Variants in CEACAM5 observed in about 807,000 individuals in gnomAD.
CEACAM5 encodes the protein CEA cell adhesion molecule 5.
Under a neutral mutation model 63.0 loss-of-function variants are expected in CEACAM5, and 52 were observed. The observed-to-expected ratio is 0.83, with a 90% confidence interval of 0.66 to 1.04. The LOEUF (loss-of-function observed/expected upper bound fraction) is 1.04. Ranked by LOEUF, CEACAM5 falls within the 50% of genes least tolerant of loss-of-function variation. The pLI is 0.00. For missense variants in CEACAM5, 790 were observed against 864.8 expected, an observed-to-expected ratio of 0.91 and a Z score of 1.08; for synonymous variants, 357 against 351.3, an observed-to-expected ratio of 1.02 and a Z score of -0.18.
chr19:41,709,621 A>G, intron 1 of CEACAM5, 59 bp from the exon 2 acceptor site: 2 of 1,563,070 alleles, frequency 1.3e-6, no homozygotes, highest in Non-Finnish European at 1.7e-6. Flanking sequence ...CCAGGACCCC[A>G]TTTTTCCACC....
chr19:41,716,152 T>G lies in CEACAM5; in HGVS notation c.958+248T>G, dbSNP rs372365148. The stretch of plus-strand genomic sequence containing the variant: ...AGGCTCCCTCAGCCCCACAGCCCTG[T>G]GTAGTGGAGGAAGCTTCACAGAGCG... On this transcript the variant is annotated intron_variant, in intron 4 of 9. Coordinates refer to ENST00000221992, the MANE Select transcript of CEACAM5 (RefSeq NM_004363.6). Among the ~76,000 whole-genome samples the G allele has an allele frequency of 4.5e-4, 68 of 152,292 alleles. 4 individuals are homozygous for G. In the South Asian group the frequency reaches 0.014, roughly 31 times the overall value.
At chr19:41,721,659 G>A (rs1480413036) in intron 8 of CEACAM5, among the ~76,000 whole-genome samples, 4 of 152,264 alleles carry the variant, frequency 2.6e-5, no homozygotes, top group South Asian at 2.1e-4. Context: ...CCTGCTCTGC[G>A]CCCGGCTCAC....
In CEACAM5 at chr19:41,715,103, C is replaced by A. The variant is rs113097830; in HGVS notation, c.557C>A (p.Pro186Gln). The A allele has an allele frequency of 3.5e-4, 557 of 1,614,170 alleles. No individual in the cohort carries two copies. The African/African-American group carries it at 6.0e-3, about 17-fold the overall frequency. ...YLWWVNNQSLPVSPRLQLSNG... is the reference protein window; with the variant it reads ...YLWWVNNQSLQVSPRLQLSNG... ...TGGTGGGTAAACAATCAGAGCCTCCCGGTCAGTCCCAGGCTGCAGCTGTCC... is the reference window on the plus strand; with the variant it reads ...TGGTGGGTAAACAATCAGAGCCTCCAGGTCAGTCCCAGGCTGCAGCTGTCC... The change falls in exon 3 of 10, where the codon CCG (proline) becomes CAG (glutamine). Residue 186 changes from proline (P) to glutamine (Q), a missense_variant. Pro to Gln is a moderately conservative substitution (Grantham distance 76, BLOSUM62 -1). Coordinates refer to ENST00000221992, the MANE Select transcript of CEACAM5 (RefSeq NM_004363.6).
intron 8 of CEACAM5, among the ~76,000 whole-genome samples, chr19:41,722,894 T>C (rs1330703808): frequency 1.4e-5 from 2 of 147,764 alleles, no homozygotes; most frequent in Non-Finnish European, 3.0e-5. Context: ...TTCTTTTTTT[T>C]GTTTGTTTGT....
At chr19:41,713,230 G>T (rs372043984) in intron 2 of CEACAM5, among the ~76,000 whole-genome samples, 1 of 152,078 alleles carries the variant, frequency 6.6e-6, no homozygotes, top group East Asian at 1.9e-4. Context: ...GCTTGAACCC[G>T]GGAGGTGGAG....
intron 8 of CEACAM5, among the ~76,000 whole-genome samples, chr19:41,722,962 C>T (rs1174576815): frequency 1.3e-5 from 2 of 152,132 alleles, no homozygotes; most frequent in Non-Finnish European, 2.9e-5. Flanking sequence ...GGCTGGAGTG[C>T]ACTGGCGCGA....
At chr19:41,712,330 C>T (rs1375574116) in intron 2 of CEACAM5, among the ~76,000 whole-genome samples, 1 of 152,222 alleles carries the variant, frequency 6.6e-6, no homozygotes, top group Non-Finnish European at 1.5e-5. Context: ...AAGGTGGAGT[C>T]CCTTGGACTG....
At chr19:41,716,485 A>G (rs1600463894) in intron 4 of CEACAM5, among the ~76,000 whole-genome samples, 1 of 152,320 alleles carries the variant, frequency 6.6e-6, no homozygotes, top group Non-Finnish European at 1.5e-5. Context: ...GGCTAAATCA[A>G]GCTGCCAATC....
intron 2 of CEACAM5, among the ~76,000 whole-genome samples, chr19:41,712,951 C>T (rs187557087): frequency 6.6e-6 from 1 of 152,248 alleles, no homozygotes; most frequent in East Asian, 1.9e-4. Context: ...ATCCTAAAAT[C>T]CAAAATCTGA....
At chr19:41,711,555 C>G (rs1555814071) in intron 2 of CEACAM5, among the ~76,000 whole-genome samples, 1 of 152,154 alleles carries the variant, frequency 6.6e-6, no homozygotes, top group Non-Finnish European at 1.5e-5. Context: ...CTCTGACCCC[C>G]TGTCCCGAAA....
intron 2 of CEACAM5, among the ~76,000 whole-genome samples, chr19:41,713,648 G>A (rs150374722): frequency 4.5e-4 from 69 of 152,274 alleles, no homozygotes; most frequent in African/African-American, 1.6e-3. Flanking sequence ...CTACTCTAGG[G>A]ACTTCATATA....
chr19:41,722,806 AC>A (rs1296819749), intron 8 of CEACAM5, among the ~76,000 whole-genome samples: 1 of 152,232 alleles, frequency 6.6e-6, no homozygotes, highest in African/African-American at 2.4e-5. Flanking sequence ...ACATCAGTGT[AC>A]AAATATCTGT....
chr19:41,725,418 T>A (rs1555816978), intron 8 of CEACAM5, among the ~76,000 whole-genome samples: 1 of 151,600 alleles, frequency 6.6e-6, no homozygotes, highest in African/African-American at 2.4e-5. Flanking sequence ...CAGCACAAGC[T>A]AGAGTGCAGT....
At chr19:41,708,877 G>A (rs2072386832) in intron 1 of CEACAM5, 82 bp downstream of exon 1, 3 of 1,036,004 alleles carry the variant, frequency 2.9e-6, no homozygotes, top group Non-Finnish European at 4.3e-6. Context: ...GACGGACAGA[G>A]GGCTCCTGTT....
At chr19:41,716,514 C>T (rs1057449531) in intron 4 of CEACAM5, among the ~76,000 whole-genome samples, 4 of 152,200 alleles carry the variant, frequency 2.6e-5, no homozygotes, top group South Asian at 2.1e-4. Context: ...AGCTTCCCTT[C>T]GTCCCAGTCA....
In CEACAM5 at chr19:41,710,039, C is replaced by T. The variant is rs1555813807; in HGVS notation, c.424C>T (p.Pro142Ser). 10 of 1,593,492 alleles carry T rather than the reference C, an allele frequency of 6.3e-6. No individual in the cohort carries two copies. The East Asian group carries it at 1.3e-4, about 21-fold the overall frequency. The change falls in exon 2 of 10, where the codon CCG becomes TCG. Residue 142 changes from proline to serine, a missense_variant and splice_region_variant. Transcript: ENST00000221992. ...EEATGQFRVYPELPKPSISSN... is the reference protein window; with the variant it reads ...EEATGQFRVYSELPKPSISSN... ...AGCAACTGGCCAGTTCCGGGTATAC[C>T]GTGAGTGATTCCCCCATGACCTCTG...
Position 41,719,874 on chromosome 19 carries a change from C to T in CEACAM5, c.1493-56C>T, listed in dbSNP as rs879977663. The T allele has an allele frequency of 3.1e-5, 50 of 1,607,000 alleles. No individual in the cohort carries two copies. The Middle Eastern group carries it at 1.2e-3, about 38-fold the overall frequency. On this transcript the variant is annotated intron_variant, in intron 6 of 9. Coordinates refer to ENST00000221992, the MANE Select transcript of CEACAM5 (RefSeq NM_004363.6). ...AGTTGCCAACTCTGATTGAAAGATG[C>T]CTGTGAGGAATCAAAAGTGCCACAC...
At chr19:41,725,966 C>T (rs1555817067) in intron 8 of CEACAM5, among the ~76,000 whole-genome samples, 1 of 152,114 alleles carries the variant, frequency 6.6e-6, no homozygotes, top group African/African-American at 2.4e-5. Context: ...ATTTCTCACA[C>T]AAGATTCTTA....
intron 2 of CEACAM5, among the ~76,000 whole-genome samples, chr19:41,714,730 C>A (rs2072491359): frequency 6.6e-6 from 1 of 152,174 alleles, no homozygotes; most frequent in South Asian, 2.1e-4. Context: ...CTGTTCACAG[C>A]CCAATGCTGC....
Sources: allele counts gnomAD v4.1 joint callset (sites outside exome capture counted in the v4.1 genomes callset), GRCh38; gene constraint gnomAD v4.1.1; transcripts MANE v1.5; gene names NCBI Gene and HGNC (gene_info 2026-07-23, HGNC 2026-07-21).